The following AQR variants were observed in gnomAD, a reference collection of about 807,000 sequenced individuals.
AQR encodes aquarius intron-binding spliceosomal factor, also known as RNA helicase aquarius.
In AQR, 61 loss-of-function variants were observed where a neutral mutation model predicts 180.5. The observed-to-expected ratio is 0.34, with a 90% CI of 0.28 to 0.42. The LOEUF (loss-of-function observed/expected upper bound fraction) is 0.42, where lower values mean the gene tolerates loss of function less well. AQR is among the 10% of genes least tolerant of loss of function. AQR has a pLI of 1.00. For missense variants in AQR, 1,281 were observed against 1,798.3 expected (o/e 0.71, Z 5.20); for synonymous variants, 551 against 588.8 (o/e 0.94, Z 0.93).
chr15:34,910,539 A>G (rs1893485272), intron 16 of AQR, among the ~76,000 whole-genome samples: 1 of 152,230 alleles, frequency 6.6e-6, no homozygotes, highest in Non-Finnish European at 1.5e-5. Context: ...ACAGGCAAAC[A>G]TGGTCCAGAA....
At chr15:34,949,219 C>G (rs1179081276) in intron 4 of AQR, among the ~76,000 whole-genome samples, 1 of 151,792 alleles carries the variant, frequency 6.6e-6, no homozygotes, top group Admixed American at 6.6e-5. Flanking sequence ...GTCTTGAACT[C>G]CCAACCTCAG....
chr15:34,861,519 T>C (rs979844959), intron 33 of AQR, among the ~76,000 whole-genome samples: 1 of 152,162 alleles, frequency 6.6e-6, no homozygotes, highest in Non-Finnish European at 1.5e-5. Context: ...TTCTGTTCAG[T>C]GATATTGTCT....
At chr15:34,935,645 C>T (rs1204625602) in intron 9 of AQR, among the ~76,000 whole-genome samples, 2 of 152,088 alleles carry the variant, frequency 1.3e-5, no homozygotes, top group Non-Finnish European at 2.9e-5. Flanking sequence ...CCTGAAATAA[C>T]AGAAGTATAG....
intron 28 of AQR, 45 bp from the exon 29 acceptor site, chr15:34,874,909 CTT>C (rs767152106): frequency 1.6e-4 from 253 of 1,541,366 alleles, no homozygotes; most frequent in Non-Finnish European, 2.1e-4. Flanking sequence ...CTATTATCCT[CTT>C]GTCTCCAATT....
intron 9 of AQR, among the ~76,000 whole-genome samples, chr15:34,935,501 C>T (rs1286921564): frequency 1.3e-5 from 2 of 152,124 alleles, no homozygotes; most frequent in Non-Finnish European, 2.9e-5. Flanking sequence ...ACATAAAAAT[C>T]CATTTATTTA....
chr15:34,950,350 A>C (rs893487266), intron 4 of AQR, among the ~76,000 whole-genome samples: 1 of 151,946 alleles, frequency 6.6e-6, no homozygotes, highest in Non-Finnish European at 1.5e-5. Context: ...GGCCTCCCAA[A>C]GTGCTGGGAT....
At chr15:34,959,579 A>G (rs1376537938) in intron 3 of AQR, among the ~76,000 whole-genome samples, 2 of 152,202 alleles carry the variant, frequency 1.3e-5, no homozygotes, top group Non-Finnish European at 2.9e-5. Context: ...TGAAATAAAG[A>G]TCTACACCCA....
intron 1 of AQR, 48 bp from the exon 2 acceptor site, chr15:34,964,338 T>A: frequency 6.9e-7 from 1 of 1,443,400 alleles, no homozygotes. Context: ...CTTGCCATTG[T>A]AGAGCTGGAA....
chr15:34,904,589 T>C (rs1893383322), intron 18 of AQR, 84 bp from the exon 19 acceptor site: 2 of 1,337,532 alleles, frequency 1.5e-6, no homozygotes, highest in Non-Finnish European at 2.0e-6. Flanking sequence ...TTTCTAGAAA[T>C]GGTGAGTAAA....
At chr15:34,901,804 C>T (rs1249858021) in intron 19 of AQR, among the ~76,000 whole-genome samples, 1 of 152,082 alleles carries the variant, frequency 6.6e-6, no homozygotes, top group Non-Finnish European at 1.5e-5. Flanking sequence ...TGTTTAATCC[C>T]TACTAAAATA....
At chr15:34,886,494 G>T in intron 25 of AQR, 32 bp downstream of exon 25, 1 of 1,575,570 alleles carries the variant, frequency 6.3e-7, no homozygotes, top group Non-Finnish European at 8.6e-7. Context: ...ATATTATGAT[G>T]AAGTATGATT....
chr15:34,906,924 T>C (rs1046569302), intron 17 of AQR, among the ~76,000 whole-genome samples: 2 of 152,188 alleles, frequency 1.3e-5, no homozygotes, highest in African/African-American at 4.8e-5. Flanking sequence ...TGAAAACTTC[T>C]TTATATTAAA....
chr15:34,893,511 T>A, intron 23 of AQR, 152 bp downstream of exon 23: 1 of 594,100 alleles, frequency 1.7e-6, no homozygotes, highest in Non-Finnish European at 2.9e-6. Flanking sequence ...GAACAAAGAA[T>A]AATGAAACTA....
intron 4 of AQR, among the ~76,000 whole-genome samples, chr15:34,950,913 A>G (rs1894220694): frequency 6.6e-6 from 1 of 152,204 alleles, no homozygotes; most frequent in Admixed American, 6.5e-5. Context: ...TTTTAAGAGT[A>G]AAGTCTTATC....
rs2140452480 is a variant in AQR at position 34,852,096 on chromosome 15, C to CT, written c.*4695dup. Reference sequence around the variant, plus strand: ...TAGGGAAAAAAAATGTATTTTGGGGCTTTATCTTTAAAGGGCGATTCACAG... The same window carrying CT: ...TAGGGAAAAAAAATGTATTTTGGGGCTTTTATCTTTAAAGGGCGATTCACAG... On this transcript the variant is annotated 3_prime_UTR_variant, in exon 35 of 35. Coordinates refer to ENST00000156471, the MANE Select transcript of AQR (RefSeq NM_014691.3). The CT allele has an allele frequency of 6.6e-6, 1 of 151,692 alleles. No homozygotes were observed. Among genetic ancestry groups the CT allele is most frequent in the Non-Finnish European group, 1.5e-5 (1 of 67,930 alleles). 9.4% of individuals were successfully genotyped at this position (151,692 alleles called of 1,614,324 possible).
In AQR at chr15:34,927,011, A is replaced by G. The variant is rs746080591; in HGVS notation, c.1118+24T>C. On this transcript the variant is annotated intron_variant, in intron 13 of 34. Transcript: ENST00000156471. ...AGGGAGCATGATACAAAAAAAGAAT[A>G]TATAGTTTTTCATGTTGTCTTACCT... The G allele has an allele frequency of 2.9e-6, 4 of 1,387,828 alleles. No individual in the cohort carries two copies. The South Asian group carries it at 5.5e-5, about 19-fold the overall frequency. 86.0% of individuals were successfully genotyped at this position (1,387,828 alleles called of 1,614,324 possible).
chr15:34,860,276 A>G, intron 33 of AQR, 121 bp from the exon 34 acceptor site: 1 of 424,108 alleles, frequency 2.4e-6, no homozygotes, highest in Non-Finnish European at 4.1e-6. Context: ...AAGACCTAAC[A>G]GTAAGAGGAC....
At chr15:34,927,320 A>G (rs926749136) in intron 12 of AQR, among the ~76,000 whole-genome samples, 182 bp from the exon 13 acceptor site, 4 of 152,168 alleles carry the variant, frequency 2.6e-5, no homozygotes, top group African/African-American at 9.6e-5. Flanking sequence ...AAAAACTACA[A>G]CTGTCATAAC....
intron 31 of AQR, chr15:34,869,174 T>C (rs1174294343): frequency 6.6e-6 from 1 of 152,202 alleles, no homozygotes; most frequent in Non-Finnish European, 1.5e-5. Context: ...ACATTTGTCA[T>C]AATGTCAATC....
Sources: gnomAD v4.1 joint callset for allele counts (sites outside exome capture counted in the v4.1 genomes callset) on GRCh38, gnomAD v4.1.1 for gene constraint, MANE v1.5 for transcripts, NCBI Gene and HGNC (gene_info 2026-07-23, HGNC 2026-07-21) for gene names.